DEFB106A: variants seen among roughly 807,000 people sequenced by gnomAD.
DEFB106A encodes the protein defensin beta 106A.
For missense variants in DEFB106A, 4 were observed against 63.7 expected (o/e 0.06, Z 3.19); for synonymous variants, 1 against 22.5 (o/e 0.04, Z 2.70).
At chr8:7,827,642 T>G (rs1368712879) in intron 1 of DEFB106A, among the ~76,000 whole-genome samples, 1 of 130,212 alleles carries the variant, frequency 7.7e-6, no homozygotes, top group African/African-American at 2.6e-5. Flanking sequence ...GTATATAGTA[T>G]AGTATATATA....
intron 1 of DEFB106A, among the ~76,000 whole-genome samples, chr8:7,826,508 A>G (rs1367661663): frequency 7.4e-5 from 11 of 149,270 alleles, no homozygotes; most frequent in African/African-American, 2.4e-4. Context: ...GTATAATACT[A>G]TAATACAATA....
chr8:7,826,612 C>G (rs1249052323), intron 1 of DEFB106A, among the ~76,000 whole-genome samples: 1 of 145,058 alleles, frequency 6.9e-6, no homozygotes, highest in Non-Finnish European at 1.5e-5. Flanking sequence ...TGGTATTGTA[C>G]TAGTATTATA....
chr8:7,827,286 G>A (rs1186178977), intron 1 of DEFB106A, among the ~76,000 whole-genome samples: 1 of 107,472 alleles, frequency 9.3e-6, no homozygotes, highest in African/African-American at 3.1e-5. Context: ...ATATAGTATA[G>A]TGTATATACT....
chr8:7,826,493 C>A (rs1483083022), intron 1 of DEFB106A, among the ~76,000 whole-genome samples: 6 of 148,676 alleles, frequency 4.0e-5, no homozygotes, highest in East Asian at 4.0e-4. Context: ...ATTAGATATA[C>A]TAGAGTATAA....
At chr8:7,827,822 A>G (rs1325315622) in intron 1 of DEFB106A, among the ~76,000 whole-genome samples, 1 of 141,594 alleles carries the variant, frequency 7.1e-6, no homozygotes, top group Non-Finnish European at 1.6e-5. Flanking sequence ...GCCTTACAGT[A>G]GGGCAGAGAG....
At chr8:7,827,870 A>G (rs1480907655) in intron 1 of DEFB106A, among the ~76,000 whole-genome samples, 1 of 140,960 alleles carries the variant, frequency 7.1e-6, no homozygotes, top group African/African-American at 2.5e-5. Context: ...GAGTTCATCG[A>G]GCTTTGAAAT....
chr8:7,827,208 G>C, intron 1 of DEFB106A, among the ~76,000 whole-genome samples: 1 of 16,528 alleles, frequency 6.1e-5, no homozygotes, highest in African/African-American at 7.3e-5. Flanking sequence ...CTAGTATATA[G>C]TATAGTGTAT....
chr8:7,827,027 AG>A (rs1348842387), intron 1 of DEFB106A, among the ~76,000 whole-genome samples: 1 of 125,956 alleles, frequency 7.9e-6, no homozygotes, highest in Non-Finnish European at 1.7e-5. Flanking sequence ...TATGTAATAT[AG>A]TATATATACT....
intron 1 of DEFB106A, among the ~76,000 whole-genome samples, chr8:7,827,699 A>C (rs1817457291): frequency 7.4e-6 from 1 of 134,770 alleles, no homozygotes; most frequent in African/African-American, 2.6e-5. Flanking sequence ...ATATACTATA[A>C]TACTAGTATT....
intron 1 of DEFB106A, among the ~76,000 whole-genome samples, chr8:7,827,732 A>G (rs1817458741): frequency 7.2e-6 from 1 of 138,210 alleles, no homozygotes; most frequent in African/African-American, 2.5e-5. Flanking sequence ...ACTAAGCTAT[A>G]CTATGATACT....
chr8:7,828,138 G>C (rs1232468673), intron 1 of DEFB106A, among the ~76,000 whole-genome samples: 1 of 148,532 alleles, frequency 6.7e-6, no homozygotes, highest in East Asian at 2.0e-4. Context: ...TCCTTAACTT[G>C]AAGCAGGCTG....
chr8:7,828,111 A>T (rs1355770976), intron 1 of DEFB106A, among the ~76,000 whole-genome samples: 2 of 146,564 alleles, frequency 1.4e-5, no homozygotes, highest in Non-Finnish European at 3.0e-5. Flanking sequence ...GTTGATCCTG[A>T]TAAGACGTGC....
chr8:7,826,317 TATA>T (rs1381219313), intron 1 of DEFB106A, among the ~76,000 whole-genome samples: 7 of 150,754 alleles, frequency 4.6e-5, no homozygotes, highest in African/African-American at 1.5e-4. Flanking sequence ...ATACTTATTA[TATA>T]ATAAGTCAAA....
intron 1 of DEFB106A, among the ~76,000 whole-genome samples, chr8:7,826,506 C>CTA (rs1226636780): frequency 6.7e-6 from 1 of 148,888 alleles, no homozygotes; most frequent in Non-Finnish European, 1.5e-5. Context: ...GAGTATAATA[C>CTA]TATAATACAA....
At chr8:7,827,754 A>G (rs1459956356) in intron 1 of DEFB106A, among the ~76,000 whole-genome samples, 15 of 138,994 alleles carry the variant, frequency 1.1e-4, no homozygotes, top group African/African-American at 3.8e-4. Context: ...TACTAAACCA[A>G]AAAGATTTTA....
chr8:7,826,342 A>T (rs1206712739), intron 1 of DEFB106A, among the ~76,000 whole-genome samples: 1 of 150,958 alleles, frequency 6.6e-6, no homozygotes, highest in Non-Finnish European at 1.5e-5. Flanking sequence ...AAAAGATGTT[A>T]TATACTATAA....
intron 1 of DEFB106A, among the ~76,000 whole-genome samples, chr8:7,826,453 TATA>T (rs1817399862): frequency 6.7e-6 from 1 of 148,468 alleles, no homozygotes; most frequent in African/African-American, 2.4e-5. Context: ...ATGCTTGTTA[TATA>T]ATTATTAGAT....
chr8:7,826,652 A>T (rs4840848), intron 1 of DEFB106A, among the ~76,000 whole-genome samples: 127,646 of 130,944 alleles, frequency 0.97, 62,174 homozygotes, highest in Middle Eastern at 0.99. Context: ...AGTATATATT[A>T]TATATATATA....
chr8:7,826,778 C>A (rs1413713421), intron 1 of DEFB106A, among the ~76,000 whole-genome samples: 1 of 134,744 alleles, frequency 7.4e-6, no homozygotes, highest in African/African-American at 2.6e-5. Context: ...ATGCGATTCT[C>A]CTGCCTCAGC....
Sources: allele counts gnomAD v4.1 joint callset (sites outside exome capture counted in the v4.1 genomes callset), GRCh38; gene constraint gnomAD v4.1.1; transcripts MANE v1.5; gene names NCBI Gene and HGNC (gene_info 2026-07-23, HGNC 2026-07-21).